Variants in ZNF444 observed in about 807,000 individuals in gnomAD.
ZNF444 encodes endothelial zinc finger protein 2.
A neutral mutation model predicts 14.4 loss-of-function variants in ZNF444; 8 were observed. The ratio of observed to expected loss-of-function variants is 0.56; its 90% confidence interval spans 0.33 to 1.00. ZNF444 has a LOEUF of 1.00. ZNF444 is among the 50% of genes least tolerant of loss of function. The pLI is 0.03. For missense variants in ZNF444, 510 were observed against 504.8 expected (o/e 1.01, Z -0.10); for synonymous variants, 258 against 235.9 (o/e 1.09, Z -0.86).
rs1445796239 is a variant in ZNF444, at chr19:56,133,319, C to T, written c.-197+541C>T. Reference sequence around the variant, plus strand: ...AACTCCTGACCTCAGGTGATCCACCCACCTCAGCCTCCCAAAGTGCTGGGA... The same window carrying T: ...AACTCCTGACCTCAGGTGATCCACCTACCTCAGCCTCCCAAAGTGCTGGGA... On this transcript the variant is annotated intron_variant, in intron 1 of 2. Transcript: ENST00000587467. Among the ~76,000 whole-genome samples the T allele has an allele frequency of 4.6e-5, 7 of 151,880 alleles. No individual in the cohort carries two copies. In the South Asian group the frequency reaches 1.5e-3, roughly 32 times the overall value.
Position 56,145,669 on chromosome 19 carries a change from G to A in ZNF444, c.-196-578G>A, listed in dbSNP as rs976095579. Among the ~76,000 whole-genome samples the A allele has an allele frequency of 2.0e-5, 3 of 152,194 alleles. No individual in the cohort carries two copies. The highest frequency in any genetic ancestry group is 7.2e-5 in the African/African-American group (3 of 41,460). On this transcript the variant is annotated intron_variant, in intron 1 of 4. Coordinates refer to ENST00000337080, the MANE Select transcript of ZNF444 (RefSeq NM_018337.4). The surrounding 1 kb of genome is among the most constrained non-coding windows in gnomAD (Gnocchi z 4.3). ...ACGCCATGGGAGGACACAAAAGGAG[G>A]CCGTCGGCAGCCTGGAAGAGGTGCT...
chr19:56,138,792 CTTTT>C (rs59273024), upstream of ZNF444, among the ~76,000 whole-genome samples: 89 of 92,868 alleles, frequency 9.6e-4, no homozygotes, highest in African/African-American at 3.6e-3. Flanking sequence ...CTTGAATGTA[CTTTT>C]TTTTTTTTTT....
chr19:56,160,636 T>A lies in ZNF444; in HGVS notation c.*435T>A. On this transcript the variant is annotated 3_prime_UTR_variant, in exon 5 of 5. Coordinates refer to ENST00000337080, the MANE Select transcript of ZNF444 (RefSeq NM_018337.4). ...TCGGGCGCAGGCCAGGCCCCCTTGGTGAAGCAGAGGCTGAAGGAAAGGGGT... is the reference window on the plus strand; with the variant it reads ...TCGGGCGCAGGCCAGGCCCCCTTGGAGAAGCAGAGGCTGAAGGAAAGGGGT... 5.8e-6 allele frequency: 1 copy of A among 172,106 alleles called. No homozygotes were observed. The highest frequency in any genetic ancestry group is 1.2e-5 in the Non-Finnish European group (1 of 81,918). 10.7% of individuals were successfully genotyped at this position (172,106 alleles called of 1,614,324 possible). A position where few individuals can be genotyped will look rare whatever the true frequency, so the allele number is the denominator to read the frequency against.
chr19:56,133,101 C>T (rs2030525638), intron 1 of ZNF444, among the ~76,000 whole-genome samples: 1 of 151,860 alleles, frequency 6.6e-6, no homozygotes, highest in Non-Finnish European at 1.5e-5. Context: ...CCATGCCCGG[C>T]TTATTTTTGT....
intron 3 of ZNF444, chr19:56,154,967 C>T (rs886846610): frequency 2.0e-5 from 3 of 152,204 alleles, no homozygotes; most frequent in African/African-American, 4.8e-5. Flanking sequence ...CTGCCTCCAC[C>T]TTTTCCAAGC....
chr19:56,154,126 G>A (rs1403455880), intron 3 of ZNF444, among the ~76,000 whole-genome samples: 1 of 152,220 alleles, frequency 6.6e-6, no homozygotes, highest in African/African-American at 2.4e-5. Context: ...GAAATGGACA[G>A]TTTTCTAGGA....
In ZNF444 at chr19:56,146,859, G is replaced by C; in HGVS notation, c.-22-31G>C. On this transcript the variant is annotated intron_variant, in intron 2 of 4. Coordinates refer to ENST00000337080, the MANE Select transcript of ZNF444 (RefSeq NM_018337.4). Reference sequence around the variant, plus strand: ...GGGCACCGCGGGCAGGGTCTCGGCGGGCAGGGGTCTCACCGGCTTGTTCCC... The same window carrying C: ...GGGCACCGCGGGCAGGGTCTCGGCGCGCAGGGGTCTCACCGGCTTGTTCCC... The C allele has an allele frequency of 3.7e-6, 5 of 1,337,140 alleles. No homozygotes were observed. The South Asian group carries it at 9.3e-5, about 25-fold the overall frequency. 82.8% of individuals were successfully genotyped at this position (1,337,140 alleles called of 1,614,324 possible).
At chr19:56,133,837 T>A (rs1238547477) in intron 1 of ZNF444, among the ~76,000 whole-genome samples, 7 of 148,564 alleles carry the variant, frequency 4.7e-5, no homozygotes, top group Non-Finnish European at 7.4e-5. Flanking sequence ...ATGGGGTGAT[T>A]CCTGATGAGC....
At chr19:56,150,563 G>A (rs1203731791) in intron 3 of ZNF444, 3 of 419,220 alleles carry the variant, frequency 7.2e-6, no homozygotes, top group African/African-American at 4.1e-5. Flanking sequence ...CGTGAGTGAT[G>A]GAATTTCCCA....
At chr19:56,142,376 T>A (rs2030883392) in intron 1 of ZNF444, 1 of 152,108 alleles carries the variant, frequency 6.6e-6, no homozygotes, top group Admixed American at 6.5e-5. Context: ...CCCAGAGCCT[T>A]TGTGCCGTAG....
intron 1 of ZNF444, among the ~76,000 whole-genome samples, chr19:56,133,924 A>G (rs1259692958): frequency 6.6e-6 from 1 of 152,124 alleles, no homozygotes; most frequent in African/African-American, 2.4e-5. Context: ...CAATTCGTTC[A>G]TTAATTTCAT....
At position 56,145,463 on chromosome 19, in the gene ZNF444, A is replaced by G. The variant is rs372096773; in HGVS notation, c.-196-784A>G. On this transcript the variant is annotated intron_variant, in intron 1 of 4. Transcript: ENST00000337080. The surrounding 1 kb of genome is among the most constrained non-coding windows in gnomAD (Gnocchi z 4.3). Reference sequence around the variant, plus strand: ...TATCCGGACGTGGTAACGCACGTCTATAATCCCAGCTACTTGGGAGGATGA... The same window carrying G: ...TATCCGGACGTGGTAACGCACGTCTGTAATCCCAGCTACTTGGGAGGATGA... Among the ~76,000 whole-genome samples the G allele has an allele frequency of 2.8e-4, 43 of 152,230 alleles. No individual in the cohort carries two copies. Among genetic ancestry groups the G allele is most frequent in the African/African-American group, 1.0e-3 (42 of 41,562 alleles).
chr19:56,143,048 G>A (rs1210889392), intron 1 of ZNF444, among the ~76,000 whole-genome samples: 1 of 152,246 alleles, frequency 6.6e-6, no homozygotes, highest in African/African-American at 2.4e-5. Context: ...AAGGCATCCA[G>A]GGTGCCTGGC....
intron 1 of ZNF444, among the ~76,000 whole-genome samples, chr19:56,133,830 G>T (rs1220123779): frequency 8.3e-6 from 1 of 120,840 alleles, no homozygotes; most frequent in Non-Finnish European, 1.8e-5. Context: ...AAAAAAAATG[G>T]GGTGATTCCT....
chr19:56,140,359 G>T (rs1230070299), upstream of ZNF444, among the ~76,000 whole-genome samples: 1 of 152,102 alleles, frequency 6.6e-6, no homozygotes, highest in Non-Finnish European at 1.5e-5. Context: ...TAGGATGTCT[G>T]TCTGCTCTAA....
chr19:56,156,307 A>G (rs1330063055), intron 3 of ZNF444: 4 of 152,194 alleles, frequency 2.6e-5, no homozygotes, highest in Non-Finnish European at 5.9e-5. Context: ...TTGGCCTTTT[A>G]TGGAGACTTG....
At position 56,159,733 on chromosome 19, in the gene ZNF444, C is replaced by A; in HGVS notation, c.516C>A (p.Phe172Leu). The change falls in exon 5 of 5, where the codon TTC (phenylalanine) becomes TTA (leucine). Residue 172 changes from phenylalanine to leucine, a missense_variant. Transcript: ENST00000337080. ...SPPLAPGLPA[F>L]LAAPGTTSCP... ...CGCTGGCGCCTGGCCTGCCCGCCTT[C>A]CTAGCGGCCCCGGGCACCACGTCCT... The A allele has an allele frequency of 6.3e-7, 1 of 1,578,698 alleles. No homozygotes were observed. The highest frequency in any genetic ancestry group is 1.8e-5 in the Admixed American group (1 of 56,552).
chr19:56,159,205 CATCCATCACCCATCCGTCCATCTAGTT>C (rs1483852891), intron 4 of ZNF444, among the ~76,000 whole-genome samples: 4 of 151,762 alleles, frequency 2.6e-5, no homozygotes, highest in Non-Finnish European at 5.9e-5. Flanking sequence ...ATCATCTACC[CATCCATCACCCATCCGTCCATCTAGTT>C]ATCCACCCAC....
At chr19:56,137,620 T>C (rs1386779770), upstream of ZNF444, among the ~76,000 whole-genome samples, 5 of 152,108 alleles carry the variant, frequency 3.3e-5, no homozygotes, top group South Asian at 1.0e-3. Flanking sequence ...GGAATATTCC[T>C]CCGGATCTGC....
Sources: gnomAD v4.1 joint callset for allele counts (sites outside exome capture counted in the v4.1 genomes callset) on GRCh38, gnomAD v4.1.1 for gene constraint, Gnocchi (gnomAD v3.1) non-coding constraint, MANE v1.5 for transcripts, NCBI Gene and HGNC (gene_info 2026-07-23, HGNC 2026-07-21) for gene names.